Variants in FMN1 observed in about 807,000 individuals in gnomAD.
The protein encoded by FMN1 is formin 1.
Under a neutral mutation model 132.4 loss-of-function variants are expected in FMN1, and 110 were observed. The observed-to-expected ratio is 0.83, with a 90% CI of 0.71 to 0.97. FMN1 has a LOEUF of 0.97. Among genes scored for constraint, FMN1 ranks in the 50% least tolerant of loss-of-function variants. The pLI is 0.00. For missense variants in FMN1, 1,792 were observed against 1,705.3 expected, an observed-to-expected ratio of 1.05 and a Z score of -0.90; for synonymous variants, 722 against 651.7, an observed-to-expected ratio of 1.11 and a Z score of -1.64.
At chr15:32,845,880 G>T (rs547281006) in intron 17 of FMN1, among the ~76,000 whole-genome samples, 1 of 151,802 alleles carries the variant, frequency 6.6e-6, no homozygotes, top group African/African-American at 2.4e-5. Flanking sequence ...TTTATATGGT[G>T]GTTTCCCATG....
chr15:33,095,685 T>G (rs551903161), intron 4 of FMN1, among the ~76,000 whole-genome samples: 11 of 152,250 alleles, frequency 7.2e-5, no homozygotes, highest in Admixed American at 2.0e-4. Flanking sequence ...AAAAATATTA[T>G]TGAAGAATAA....
chr15:32,932,103 A>C (rs750890455), intron 9 of FMN1, among the ~76,000 whole-genome samples: 3 of 152,200 alleles, frequency 2.0e-5, no homozygotes, highest in Non-Finnish European at 4.4e-5. Flanking sequence ...TGTGCTATTA[A>C]ATTATGTTTA....
chr15:32,999,590 G>A (rs150336889), intron 7 of FMN1, among the ~76,000 whole-genome samples: 377 of 152,350 alleles, frequency 2.5e-3, no homozygotes, highest in African/African-American at 8.1e-3. Flanking sequence ...TGAGCAGGGG[G>A]CCTGCCAGAG....
At chr15:32,960,995 CAAAAAAAAAA>C (rs539245532) in intron 9 of FMN1, among the ~76,000 whole-genome samples, 1 of 59,092 alleles carries the variant, frequency 1.7e-5, no homozygotes. Flanking sequence ...GACTCCGTCT[CAAAAAAAAAA>C]AAAAAAAAAA....
At chr15:32,977,854 A>G (rs1482373711) in intron 7 of FMN1, among the ~76,000 whole-genome samples, 3 of 151,934 alleles carry the variant, frequency 2.0e-5, no homozygotes, top group Non-Finnish European at 4.4e-5. Context: ...CAATTTAGAT[A>G]CAATTATTCT....
At chr15:33,016,822 G>A (rs2035075708) in intron 6 of FMN1, among the ~76,000 whole-genome samples, 1 of 152,128 alleles carries the variant, frequency 6.6e-6, no homozygotes, top group Non-Finnish European at 1.5e-5. Flanking sequence ...TTTGACGCAG[G>A]AGATGTGAAC....
intron 5 of FMN1, among the ~76,000 whole-genome samples, chr15:33,082,017 A>AGGGG (rs200000722): frequency 0.016 from 1,858 of 113,112 alleles, 45 homozygotes; most frequent in African/African-American, 0.077. Context: ...AGAAGAGTTC[A>AGGGG]GGGGTGTGTG....
chr15:32,954,707 A>G (rs570407237), intron 9 of FMN1, among the ~76,000 whole-genome samples: 1 of 152,348 alleles, frequency 6.6e-6, no homozygotes, highest in East Asian at 1.9e-4. Flanking sequence ...CCATTTATCA[A>G]GTAATTAACA....
At chr15:32,910,356 C>G in intron 11 of FMN1, 118 bp downstream of exon 11, 1 of 778,954 alleles carries the variant, frequency 1.3e-6, no homozygotes, top group Non-Finnish European at 2.2e-6. Context: ...GTTTCTATGC[C>G]TTAATCTCTT....
chr15:32,793,575 C>T (rs1389006225), intron 19 of FMN1, among the ~76,000 whole-genome samples: 1 of 152,176 alleles, frequency 6.6e-6, no homozygotes, highest in Admixed American at 6.5e-5. Context: ...GCCACTACGC[C>T]CGGCTGTTCT....
intron 16 of FMN1, among the ~76,000 whole-genome samples, chr15:32,859,442 C>A (rs998990347): frequency 2.0e-5 from 3 of 152,170 alleles, no homozygotes; most frequent in Non-Finnish European, 4.4e-5. Flanking sequence ...AGTTCCATGT[C>A]TTCATTCATG....
chr15:32,902,632 T>C (rs1328329675), intron 12 of FMN1, among the ~76,000 whole-genome samples: 1 of 152,242 alleles, frequency 6.6e-6, no homozygotes, highest in Admixed American at 6.5e-5. Flanking sequence ...CAACTCAGTA[T>C]TTAGAACAAA....
At chr15:32,798,180 ACACACACACACACACACACACACAC>A (rs2057353852) in intron 19 of FMN1, among the ~76,000 whole-genome samples, 9 of 148,968 alleles carry the variant, frequency 6.0e-5, no homozygotes, top group Non-Finnish European at 1.2e-4. Flanking sequence ...AGGAAAACGC[ACACACACACACACACACACACACAC>A]ACACACACAC....
At chr15:33,128,848 C>G (rs1326097288) in intron 4 of FMN1, among the ~76,000 whole-genome samples, 2 of 152,232 alleles carry the variant, frequency 1.3e-5, no homozygotes, top group African/African-American at 4.8e-5. Flanking sequence ...GGAAGACAAC[C>G]GGAGCAGACT....
chr15:32,853,398 C>T lies in FMN1; in HGVS notation c.3928+3617G>A, dbSNP rs552904850. Reference sequence around the variant, plus strand: ...AGAGTCTACATGTTGTGGCTTATGGCAGTAATTTTTCTTTTTTTGTAGTAC... The same window carrying T: ...AGAGTCTACATGTTGTGGCTTATGGTAGTAATTTTTCTTTTTTTGTAGTAC... On this transcript the variant is annotated intron_variant, in intron 17 of 20. Coordinates refer to ENST00000616417, the MANE Select transcript of FMN1 (RefSeq NM_001277313.2). Among the ~76,000 whole-genome samples the T allele has an allele frequency of 2.2e-3, 336 of 152,148 alleles. 1 individual carries two copies. The highest frequency in any genetic ancestry group is 3.5e-3 in the Non-Finnish European group (241 of 68,004).
chr15:33,064,940 G>A lies in FMN1; in HGVS notation c.2161+17C>T, dbSNP rs1239770032. 1 of 1,565,756 alleles carries A rather than the reference G, an allele frequency of 6.4e-7. No individual in the cohort carries two copies. Among genetic ancestry groups the A allele is most frequent in the Admixed American group, 1.7e-5 (1 of 58,242 alleles). ...GAAGAGATTCATTCCCGGGTCCCTA[G>A]CTTCCTTTCACATTACCTGCTTCAG... is the stretch of plus-strand genomic sequence containing the variant. On this transcript the variant is annotated intron_variant, in intron 6 of 20. Transcript: ENST00000616417.
intron 10 of FMN1, among the ~76,000 whole-genome samples, chr15:32,913,312 T>C (rs529546127): frequency 1.4e-4 from 22 of 152,212 alleles, no homozygotes; most frequent in Non-Finnish European, 2.9e-4. Context: ...CCATCCTTCA[T>C]TGTACCAAGG....
At chr15:32,929,790 A>G (rs1216582246) in intron 9 of FMN1, among the ~76,000 whole-genome samples, 3 of 151,156 alleles carry the variant, frequency 2.0e-5, no homozygotes, top group Non-Finnish European at 4.4e-5. Context: ...TGGTCAAGTA[A>G]TATTCCACTG....
chr15:33,009,411 G>C (rs762320713), intron 6 of FMN1, among the ~76,000 whole-genome samples: 2 of 152,088 alleles, frequency 1.3e-5, no homozygotes, highest in Non-Finnish European at 2.9e-5. Flanking sequence ...AGAGCTCTCT[G>C]TTGCAGCCCA....
Sources: gnomAD v4.1 joint callset for allele counts (sites outside exome capture counted in the v4.1 genomes callset) on GRCh38, gnomAD v4.1.1 for gene constraint, MANE v1.5 for transcripts, NCBI Gene and HGNC (gene_info 2026-07-23, HGNC 2026-07-21) for gene names.